Variants in AKAP6 observed in about 807,000 individuals in gnomAD.
AKAP6 encodes the protein A-kinase anchoring protein 6.
AKAP6 carries 58 observed loss-of-function variants against 188.5 expected under a neutral mutation model. The observed-to-expected ratio is 0.31, with a 90% confidence interval of 0.25 to 0.38. The LOEUF (loss-of-function observed/expected upper bound fraction) is 0.38. Among genes scored for constraint, AKAP6 ranks in the 10% least tolerant of loss-of-function variants. The pLI is 1.00. For missense variants in AKAP6, 2,710 were observed against 2,740.0 expected (o/e 0.99, Z 0.24); for synonymous variants, 989 against 998.6 (o/e 0.99, Z 0.18).
At chr14:32,487,692 G>T (rs1190575220) in intron 2 of AKAP6, among the ~76,000 whole-genome samples, 1 of 152,184 alleles carries the variant, frequency 6.6e-6, no homozygotes, top group African/African-American at 2.4e-5. Context: ...TCTACCTTTG[G>T]TCTTTGATGT....
chr14:32,348,038 T>A (rs1050628349), intron 1 of AKAP6, among the ~76,000 whole-genome samples: 1 of 152,222 alleles, frequency 6.6e-6, no homozygotes, highest in Non-Finnish European at 1.5e-5. Flanking sequence ...CTGAAGGCCA[T>A]GACCCAAGGG....
chr14:32,349,072 A>C (rs1430097450), intron 1 of AKAP6, among the ~76,000 whole-genome samples: 1 of 152,348 alleles, frequency 6.6e-6, no homozygotes, highest in South Asian at 2.1e-4. Context: ...ATTCTCTAGT[A>C]CTTATTACTC....
Position 32,458,913 on chromosome 14 carries a change from T to C in AKAP6, c.324+25096T>C, listed in dbSNP as rs115377499. On this transcript the variant is annotated intron_variant, in intron 2 of 13. Transcript: ENST00000280979. ...CAAGGACAAAATAATGCAACAGATA[T>C]TAGTTTAAGAAAAACAAAGTATGGG... Among the ~76,000 whole-genome samples the C allele has an allele frequency of 9.1e-4, 138 of 152,214 alleles. 2 individuals carry two copies. The highest frequency in any genetic ancestry group is 2.6e-3 in the African/African-American group (110 of 41,546).
chr14:32,517,151 C>T (rs756298744), intron 2 of AKAP6, among the ~76,000 whole-genome samples: 11 of 152,092 alleles, frequency 7.2e-5, no homozygotes, highest in African/African-American at 2.2e-4. Flanking sequence ...TTCATTTCCT[C>T]GAAAACTAGC....
chr14:32,490,528 T>C (rs2138942514), intron 2 of AKAP6, among the ~76,000 whole-genome samples: 1 of 152,330 alleles, frequency 6.6e-6, no homozygotes, highest in East Asian at 1.9e-4. Context: ...GGTCTACTTC[T>C]AGTTTACCTT....
rs776142584 is a variant in AKAP6, at chr14:32,466,827, TTA to T, written c.324+33028_324+33029del. The stretch of plus-strand genomic sequence containing the variant: ...CAAAATATAAGCTGTAAAAACAAGA[TTA>T]TATATATATATATATATTTTCTTTC... On this transcript the variant is annotated intron_variant, in intron 2 of 13. Transcript: ENST00000280979. 4.3e-4 allele frequency among the ~76,000 whole-genome samples: 50 copies of T among 115,016 alleles called. 3 individuals are homozygous for T. The highest frequency in any genetic ancestry group is 1.4e-3 in the African/African-American group (28 of 20,182). 75.5% of individuals were successfully genotyped at this position (115,016 alleles called of 152,430 possible).
In AKAP6 at chr14:32,521,393, A is replaced by G. The variant is rs559659177; in HGVS notation, c.325-14161A>G. Among the ~76,000 whole-genome samples, 9 of 152,294 alleles carry G rather than the reference A, an allele frequency of 5.9e-5. No individual in the cohort carries two copies. The South Asian group carries it at 1.2e-3, about 21-fold the overall frequency. ...ATTCAATTAGGAAAAGAGGAAGTCA[A>G]ATTGTCCCTGTTTGCAGATGACATG... On this transcript the variant is annotated intron_variant, in intron 2 of 13. Transcript: ENST00000280979.
intron 7 of AKAP6, among the ~76,000 whole-genome samples, chr14:32,653,408 T>G (rs1054397943): frequency 1.3e-5 from 2 of 152,160 alleles, no homozygotes; most frequent in African/African-American, 4.8e-5. Context: ...TTTCTGATAG[T>G]GAGTTCTCAT....
At chr14:32,489,665 A>C (rs1388314671) in intron 2 of AKAP6, among the ~76,000 whole-genome samples, 1 of 152,230 alleles carries the variant, frequency 6.6e-6, no homozygotes, top group Non-Finnish European at 1.5e-5. Context: ...ATCAGAGAAG[A>C]GTACGTGGAA....
At chr14:32,723,427 A>T (rs185926204) in intron 9 of AKAP6, among the ~76,000 whole-genome samples, 1 of 152,136 alleles carries the variant, frequency 6.6e-6, no homozygotes. Context: ...TCTGAAATAG[A>T]TATTATAAAG....
At chr14:32,436,758 G>A (rs1225516026) in intron 2 of AKAP6, among the ~76,000 whole-genome samples, 1 of 152,058 alleles carries the variant, frequency 6.6e-6, no homozygotes, top group African/African-American at 2.4e-5. Flanking sequence ...GCAGCATGGT[G>A]AAACCCTGTC....
chr14:32,409,436 A>G (rs979042074), intron 1 of AKAP6, among the ~76,000 whole-genome samples: 2 of 151,898 alleles, frequency 1.3e-5, no homozygotes, highest in Non-Finnish European at 2.9e-5. Flanking sequence ...AGGCTAGACT[A>G]GTGTATAAAA....
rs977235680 is a variant in AKAP6, at chr14:32,520,440, A to G, written c.325-15114A>G. Among the ~76,000 whole-genome samples, 6 of 152,336 alleles carry G rather than the reference A, an allele frequency of 3.9e-5. No homozygotes were observed. In the East Asian group the frequency reaches 1.2e-3, roughly 29 times the overall value. On this transcript the variant is annotated intron_variant, in intron 2 of 13. Coordinates refer to ENST00000280979, the MANE Select transcript of AKAP6 (RefSeq NM_004274.5). The stretch of plus-strand genomic sequence containing the variant: ...TTTTGAAAAGATCAACAAAGTTGAT[A>G]GATCGCTAGCAAGACTAATAAACAA...
rs374396772 is a variant in AKAP6 at position 32,695,978 on chromosome 14, C to G, written c.2880-12C>G. The G allele has an allele frequency of 6.2e-7, 1 of 1,610,542 alleles. No individual in the cohort carries two copies. The highest frequency in any genetic ancestry group is 8.5e-7 in the Non-Finnish European group (1 of 1,179,150). ...GTATTTATGCATACTACATTTTGCG[C>G]CTTATCTTCAGGCTTCTGGACTTTG... On this transcript the variant is annotated splice_polypyrimidine_tract_variant and intron_variant, in intron 8 of 13. Transcript: ENST00000280979.
intron 3 of AKAP6, among the ~76,000 whole-genome samples, chr14:32,537,336 C>T (rs1173787286): frequency 6.6e-6 from 1 of 152,094 alleles, no homozygotes; most frequent in Non-Finnish European, 1.5e-5. Flanking sequence ...GTGTTAGTTC[C>T]CAGATGCCAT....
At chr14:32,619,029 ATT>A (rs1266627236) in intron 7 of AKAP6, among the ~76,000 whole-genome samples, 1 of 150,782 alleles carries the variant, frequency 6.6e-6, no homozygotes, top group African/African-American at 2.4e-5. Flanking sequence ...TAATGGGATT[ATT>A]TGTTTTTTTT....
At chr14:32,705,426 A>G (rs1183159147) in intron 9 of AKAP6, among the ~76,000 whole-genome samples, 1 of 152,198 alleles carries the variant, frequency 6.6e-6, no homozygotes, top group Non-Finnish European at 1.5e-5. Flanking sequence ...CATTTGATAA[A>G]AAGAGAAGTG....
chr14:32,540,608 A>G (rs1283613125), intron 3 of AKAP6, among the ~76,000 whole-genome samples: 2 of 152,260 alleles, frequency 1.3e-5, no homozygotes, highest in Middle Eastern at 3.4e-3. Flanking sequence ...TTTCTGAAAT[A>G]AGGGCAGTAA....
At chr14:32,741,832 T>TG (rs1555358216) in intron 11 of AKAP6, among the ~76,000 whole-genome samples, 4 of 147,572 alleles carry the variant, frequency 2.7e-5, no homozygotes, top group Non-Finnish European at 6.0e-5. Context: ...TTTTTTTTTT[T>TG]TTTTTTTTTT....
Sources: gnomAD v4.1 joint callset for allele counts (sites outside exome capture counted in the v4.1 genomes callset) on GRCh38, gnomAD v4.1.1 for gene constraint, MANE v1.5 for transcripts, NCBI Gene and HGNC (gene_info 2026-07-23, HGNC 2026-07-21) for gene names.